Variants in SSBP2 observed in about 807,000 individuals in gnomAD.
SSBP2 encodes single stranded DNA binding protein 2.
SSBP2 carries 17 observed loss-of-function variants against 61.8 expected under a neutral mutation model. The ratio of observed to expected loss-of-function variants is 0.28; its 90% CI spans 0.19 to 0.41. The LOEUF (loss-of-function observed/expected upper bound fraction) is 0.41, where lower values mean the gene tolerates loss of function less well. Ranked by LOEUF, SSBP2 falls within the 10% of genes least tolerant of loss-of-function variation. The pLI, the probability that SSBP2 is intolerant of heterozygous loss-of-function variation, is 1.00. For missense variants in SSBP2, 310 were observed against 458.7 expected, an observed-to-expected ratio of 0.68 and a Z score of 2.96; for synonymous variants, 139 against 141.3, an observed-to-expected ratio of 0.98 and a Z score of 0.12.
intron 4 of SSBP2, among the ~76,000 whole-genome samples, chr5:81,595,148 A>G (rs887232829): frequency 2.0e-5 from 3 of 152,240 alleles, no homozygotes; most frequent in Non-Finnish European, 2.9e-5. Flanking sequence ...ATAAAAAATG[A>G]TAAAGGGGAT....
At chr5:81,610,208 G>C (rs898199091) in intron 4 of SSBP2, among the ~76,000 whole-genome samples, 7 of 152,188 alleles carry the variant, frequency 4.6e-5, no homozygotes, top group Admixed American at 2.6e-4. Flanking sequence ...ACTGGGGGGA[G>C]AGGTGGCATC....
intron 3 of SSBP2, among the ~76,000 whole-genome samples, chr5:81,634,686 T>A (rs1748039499): frequency 6.6e-6 from 1 of 152,230 alleles, no homozygotes; most frequent in African/African-American, 2.4e-5. Context: ...AATCACTCTA[T>A]CACCTCAATT....
intron 14 of SSBP2, among the ~76,000 whole-genome samples, chr5:81,439,294 T>C (rs1427748751): frequency 6.6e-6 from 1 of 152,188 alleles, no homozygotes; most frequent in Non-Finnish European, 1.5e-5. Context: ...TATGGTCATG[T>C]TACTTAAACA....
At chr5:81,725,195 A>G (rs1755793486) in intron 1 of SSBP2, among the ~76,000 whole-genome samples, 1 of 152,154 alleles carries the variant, frequency 6.6e-6, no homozygotes, top group Admixed American at 6.5e-5. Context: ...AATAAGGGGA[A>G]AGAGTTTTTT....
intron 4 of SSBP2, among the ~76,000 whole-genome samples, chr5:81,579,183 T>A (rs1233117940): frequency 6.6e-6 from 1 of 151,818 alleles, no homozygotes; most frequent in African/African-American, 2.4e-5. Context: ...AAAAGGAAAA[T>A]GATATCAGGA....
rs765467143 is a variant in SSBP2 at position 81,594,120 on chromosome 5, T to A, written c.282+21353A>T. Among the ~76,000 whole-genome samples, 640 of 152,168 alleles carry A rather than the reference T, an allele frequency of 4.2e-3. 5 individuals are homozygous for A. The highest frequency in any genetic ancestry group is 6.5e-3 in the Non-Finnish European group (445 of 68,010). Reference sequence around the variant, plus strand: ...CCATCTCACGTGAAGAGACACACACTGGCTCAAAATAAAGGGATAGAAGAA... The same window carrying A: ...CCATCTCACGTGAAGAGACACACACAGGCTCAAAATAAAGGGATAGAAGAA... On this transcript the variant is annotated intron_variant, in intron 4 of 16. Transcript: ENST00000320672.
rs1296285012 is a variant in SSBP2 at position 81,419,785 on chromosome 5, T to C, written c.*719A>G. 6.6e-6 allele frequency: 1 copy of C among 152,194 alleles called. No individual in the cohort carries two copies. The highest frequency in any genetic ancestry group is 2.4e-5 in the African/African-American group (1 of 41,454). The allele number at this position is 152,194 out of a possible 1,614,324, so 9.4% of individuals were successfully genotyped here. On this transcript the variant is annotated 3_prime_UTR_variant, in exon 17 of 17. Transcript: ENST00000320672. Reference sequence around the variant, plus strand: ...GTTAAGCTTTTACTGATTTGAAGTGTTTTTCTCAAATAAAAATTAAAAAAA... The same window carrying C: ...GTTAAGCTTTTACTGATTTGAAGTGCTTTTCTCAAATAAAAATTAAAAAAA...
chr5:81,441,561 T>TGCAGTG (rs1763036936), intron 13 of SSBP2, among the ~76,000 whole-genome samples: 1 of 152,210 alleles, frequency 6.6e-6, no homozygotes, highest in Non-Finnish European at 1.5e-5. Context: ...TGTGTGTGGA[T>TGCAGTG]GCAGTGGTGG....
chr5:81,629,501 T>G (rs1747491436), intron 3 of SSBP2, among the ~76,000 whole-genome samples: 1 of 152,216 alleles, frequency 6.6e-6, no homozygotes, highest in Admixed American at 6.5e-5. Context: ...TACCTGTCAT[T>G]ACTTGAGTGT....
At chr5:81,720,596 T>G (rs570761893) in intron 1 of SSBP2, among the ~76,000 whole-genome samples, 1 of 152,316 alleles carries the variant, frequency 6.6e-6, no homozygotes, top group East Asian at 1.9e-4. Context: ...TTCAAAGACA[T>G]CACTAGTGTT....
chr5:81,689,213 C>T (rs1753031217), intron 1 of SSBP2, among the ~76,000 whole-genome samples: 1 of 151,792 alleles, frequency 6.6e-6, no homozygotes, highest in African/African-American at 2.4e-5. Flanking sequence ...ATAAAGTATG[C>T]TTACAGGATG....
chr5:81,746,918 G>T, intron 1 of SSBP2, among the ~76,000 whole-genome samples: 1 of 150,430 alleles, frequency 6.6e-6, no homozygotes, highest in East Asian at 2.0e-4. Flanking sequence ...CTCTTTCTGC[G>T]GTAGTGTGGC....
intron 4 of SSBP2, among the ~76,000 whole-genome samples, chr5:81,593,602 T>C (rs905676296): frequency 2.0e-5 from 3 of 152,128 alleles, no homozygotes; most frequent in African/African-American, 4.8e-5. Flanking sequence ...AAAGGTTGGG[T>C]TACCCACAAA....
At chr5:81,634,704 TA>T (rs1386613569) in intron 3 of SSBP2, among the ~76,000 whole-genome samples, 1 of 152,206 alleles carries the variant, frequency 6.6e-6, no homozygotes, top group African/African-American at 2.4e-5. Context: ...ATTTCCAACA[TA>T]ATGAATTTCT....
At position 81,541,745 on chromosome 5, in the gene SSBP2, C is replaced by T. The variant is rs573653305; in HGVS notation, c.283-28028G>A. On this transcript the variant is annotated intron_variant, in intron 4 of 16. Coordinates refer to ENST00000320672, the MANE Select transcript of SSBP2 (RefSeq NM_012446.5). ...GTGGAAGAATGAAACTGGGCCCCTA[C>T]CTTTCACCATATACAAAAAATAACT... Among the ~76,000 whole-genome samples, 3 of 152,290 alleles carry T rather than the reference C, an allele frequency of 2.0e-5. No homozygotes were observed. The East Asian group carries it at 5.8e-4, about 29-fold the overall frequency.
At chr5:81,599,425 A>G (rs375886016) in intron 4 of SSBP2, among the ~76,000 whole-genome samples, 12 of 152,308 alleles carry the variant, frequency 7.9e-5, no homozygotes, top group African/African-American at 2.4e-4. Context: ...AACAAATACT[A>G]TATGTTTTAT....
intron 3 of SSBP2, among the ~76,000 whole-genome samples, chr5:81,627,786 G>T (rs114829367): frequency 0.01 from 1,567 of 152,234 alleles, 39 homozygotes; most frequent in African/African-American, 0.035. Flanking sequence ...GGCTGGTTGT[G>T]GTGGCTCATG....
chr5:81,514,761 C>G (rs1768884328), intron 4 of SSBP2, among the ~76,000 whole-genome samples: 1 of 151,828 alleles, frequency 6.6e-6, no homozygotes, highest in African/African-American at 2.4e-5. Flanking sequence ...GCACACATTT[C>G]CCAGTATATA....
intron 4 of SSBP2, 69 bp from the exon 5 acceptor site, chr5:81,513,786 A>G: frequency 6.2e-6 from 6 of 975,190 alleles, no homozygotes; most frequent in Non-Finnish European, 9.7e-6. Flanking sequence ...GACTAATGAT[A>G]ATAGATTGCA....
Sources: allele counts gnomAD v4.1 joint callset (sites outside exome capture counted in the v4.1 genomes callset), GRCh38; gene constraint gnomAD v4.1.1; transcripts MANE v1.5; gene names NCBI Gene and HGNC (gene_info 2026-07-23, HGNC 2026-07-21).